The following MIR2052HG variants were observed in gnomAD, a reference collection of about 807,000 sequenced individuals.
The protein encoded by MIR2052HG is MIR2052 host gene.
At chr8:74,684,950 C>G (rs1351028820) in intron 2 of MIR2052HG, among the ~76,000 whole-genome samples, 7 of 152,034 alleles carry the variant, frequency 4.6e-5, no homozygotes, top group East Asian at 1.9e-4. Context: ...TCAGACTTTA[C>G]AGCGAGACAA....
chr8:74,608,310 T>A (rs1368445760), intron 1 of MIR2052HG, among the ~76,000 whole-genome samples: 1 of 152,040 alleles, frequency 6.6e-6, no homozygotes, highest in Non-Finnish European at 1.5e-5. Flanking sequence ...AAATAGGGAA[T>A]GGGGGAAATG....
intron 2 of MIR2052HG, among the ~76,000 whole-genome samples, chr8:74,691,427 G>A (rs1487751527): frequency 6.6e-6 from 1 of 152,208 alleles, no homozygotes; most frequent in Non-Finnish European, 1.5e-5. Context: ...GCACTGAATT[G>A]AGGTAATTTG....
chr8:74,728,654 G>C (rs1391642152), intron 4 of MIR2052HG, among the ~76,000 whole-genome samples: 1 of 152,130 alleles, frequency 6.6e-6, no homozygotes, highest in East Asian at 1.9e-4. Flanking sequence ...GGTATATTGA[G>C]AGAGGTTGCC....
chr8:74,699,416 G>GTGTA (rs766842908), intron 2 of MIR2052HG, among the ~76,000 whole-genome samples: 16 of 148,180 alleles, frequency 1.1e-4, no homozygotes, highest in Non-Finnish European at 1.6e-4. Context: ...GTGTGTGTGT[G>GTGTA]TATATATATA....
At chr8:74,648,698 A>G (rs1808720118) in intron 2 of MIR2052HG, among the ~76,000 whole-genome samples, 1 of 152,166 alleles carries the variant, frequency 6.6e-6, no homozygotes, top group Non-Finnish European at 1.5e-5. Context: ...GAAAGAACCT[A>G]CATTGAAATA....
chr8:74,614,840 G>T (rs1808255340), intron 2 of MIR2052HG, among the ~76,000 whole-genome samples: 1 of 151,520 alleles, frequency 6.6e-6, no homozygotes, highest in African/African-American at 2.4e-5. Context: ...ACACAGAAAA[G>T]ACAATTTCAT....
chr8:74,721,825 A>C (rs1285027743), intron 4 of MIR2052HG, among the ~76,000 whole-genome samples: 1 of 152,168 alleles, frequency 6.6e-6, no homozygotes, highest in Non-Finnish European at 1.5e-5. Context: ...ACAGACAAAC[A>C]TGAAGGGGAG....
At chr8:74,696,375 A>G (rs1265635767) in intron 2 of MIR2052HG, among the ~76,000 whole-genome samples, 2 of 152,192 alleles carry the variant, frequency 1.3e-5, no homozygotes, top group Non-Finnish European at 2.9e-5. Context: ...AATGTCTGAA[A>G]CAGCACAAAT....
At chr8:74,641,229 A>G (rs914777654) in intron 2 of MIR2052HG, among the ~76,000 whole-genome samples, 15 of 152,144 alleles carry the variant, frequency 9.9e-5, no homozygotes, top group Non-Finnish European at 1.5e-4. Context: ...TTTCTTAGAG[A>G]TTTTATTTTC....
intron 2 of MIR2052HG, among the ~76,000 whole-genome samples, chr8:74,648,823 T>G (rs527645074): frequency 1.6e-4 from 25 of 152,250 alleles, no homozygotes; most frequent in African/African-American, 5.8e-4. Context: ...GCCTGATAGA[T>G]CATATCTAAG....
intron 2 of MIR2052HG, chr8:74,625,303 A>G (rs1305081529): frequency 6.6e-6 from 1 of 152,238 alleles, no homozygotes; most frequent in African/African-American, 2.4e-5. Context: ...CCTTCAAGCA[A>G]TCCTCCCACC....
At chr8:74,695,436 TGAATA>T (rs1174406854) in intron 2 of MIR2052HG, among the ~76,000 whole-genome samples, 1 of 152,018 alleles carries the variant, frequency 6.6e-6, no homozygotes, top group African/African-American at 2.4e-5. Flanking sequence ...AATAGCACAA[TGAATA>T]GAATAGTACG....
intron 2 of MIR2052HG, among the ~76,000 whole-genome samples, chr8:74,695,498 C>T (rs1809286271): frequency 6.6e-6 from 1 of 152,186 alleles, no homozygotes; most frequent in Non-Finnish European, 1.5e-5. Flanking sequence ...AAATGCTCCA[C>T]TTAAAGGATG....
intron 4 of MIR2052HG, among the ~76,000 whole-genome samples, chr8:74,719,896 G>A (rs1269876825): frequency 9.1e-5 from 12 of 132,186 alleles, no homozygotes; most frequent in Non-Finnish European, 1.5e-4. Context: ...TCGCCAGGCT[G>A]GAGTGCAGTG....
rs1230005814 is a variant in MIR2052HG at position 74,638,546 on chromosome 8, T to C, written n.216+25606T>C. Among the ~76,000 whole-genome samples the C allele has an allele frequency of 4.6e-5, 7 of 152,142 alleles. No individual in the cohort carries two copies. The South Asian group carries it at 1.5e-3, about 32-fold the overall frequency. ...ATGTTTTGTATGACAGTGGTGGCAG[T>C]AGAAATGGAGAGTAGATAATTTCAC... On this transcript the variant is annotated intron_variant and non_coding_transcript_variant, in intron 2 of 6. Transcript: ENST00000523442.
intron 2 of MIR2052HG, among the ~76,000 whole-genome samples, chr8:74,642,853 C>T (rs1808654159): frequency 6.6e-6 from 1 of 152,180 alleles, no homozygotes; most frequent in Non-Finnish European, 1.5e-5. Flanking sequence ...CATTGCGTGT[C>T]CAGCATGGGT....
At chr8:74,752,054 G>C (rs1809952244) in intron 4 of MIR2052HG, among the ~76,000 whole-genome samples, 1 of 152,136 alleles carries the variant, frequency 6.6e-6, no homozygotes, top group Non-Finnish European at 1.5e-5. Flanking sequence ...GCTGAGACAA[G>C]AGGATCACTT....
At chr8:74,649,441 A>G (rs1017294815) in intron 2 of MIR2052HG, among the ~76,000 whole-genome samples, 1 of 152,168 alleles carries the variant, frequency 6.6e-6, no homozygotes, top group Non-Finnish European at 1.5e-5. Flanking sequence ...AGTTCTAAAA[A>G]GGAAATCTGA....
chr8:74,677,571 A>T (rs1809068401), intron 2 of MIR2052HG, among the ~76,000 whole-genome samples: 1 of 152,098 alleles, frequency 6.6e-6, no homozygotes, highest in African/African-American at 2.4e-5. Context: ...TGAAATTAAA[A>T]ATCATATGTC....
Sources: gnomAD v4.1 joint callset for allele counts (sites outside exome capture counted in the v4.1 genomes callset) on GRCh38, gnomAD v4.1.1 for gene constraint, MANE v1.5 for transcripts, NCBI Gene and HGNC (gene_info 2026-07-23, HGNC 2026-07-21) for gene names.